Variants in NPTX2 observed in about 807,000 individuals in gnomAD.
NPTX2 encodes neuronal pentraxin-2.
NPTX2 carries 23 observed loss-of-function variants against 38.1 expected under a neutral mutation model. The observed-to-expected ratio is 0.60, with a 90% CI of 0.43 to 0.85. The LOEUF is 0.85. Ranked by LOEUF, NPTX2 falls within the 40% of genes least tolerant of loss-of-function variation. The pLI is 0.00. For synonymous variants in NPTX2, 291 were observed against 287.3 expected, an observed-to-expected ratio of 1.01 and a Z score of -0.13; for missense variants, 553 against 615.3, an observed-to-expected ratio of 0.90 and a Z score of 1.07.
At chr7:98,617,960 G>T in intron 1 of NPTX2, 73 bp downstream of exon 1, 5 of 1,464,764 alleles carry the variant, frequency 3.4e-6, no homozygotes, top group Non-Finnish European at 4.5e-6. Flanking sequence ...GACTCGGGAG[G>T]ATGGGGAAAG....
chr7:98,621,682 C>T (rs1791272626), intron 2 of NPTX2, among the ~76,000 whole-genome samples: 1 of 152,222 alleles, frequency 6.6e-6, no homozygotes, highest in Non-Finnish European at 1.5e-5. Context: ...GGTGGGGGAA[C>T]TCTGGCCTTT....
intron 2 of NPTX2, 62 bp downstream of exon 2, chr7:98,619,921 C>A: frequency 1.4e-6 from 2 of 1,434,310 alleles, no homozygotes; most frequent in Non-Finnish European, 1.9e-6. Context: ...TGTGGTCAGA[C>A]ATGCGATTCT....
Position 98,617,304 on chromosome 7 carries a change from T to G in NPTX2, c.-158T>G, listed in dbSNP as rs546770901. The G allele has an allele frequency of 6.3e-3, 1,747 of 278,020 alleles. 37 individuals are homozygous for G. The highest frequency in any genetic ancestry group is 0.036 in the African/African-American group (1,620 of 44,466). The allele number at this position is 278,020 out of a possible 1,614,324, so 17.2% of individuals were successfully genotyped here. ...CAGGCCAGAGTGCCGAGCAGCGCGG[T>G]GGGTGCGGCTGTGAGACGGCAGGAG... On this transcript the variant is annotated 5_prime_UTR_variant, in exon 1 of 5. Transcript: ENST00000265634.
chr7:98,618,543 A>ACCTCATTC (rs1791214940), intron 1 of NPTX2, among the ~76,000 whole-genome samples: 2 of 116,586 alleles, frequency 1.7e-5, no homozygotes, highest in Non-Finnish European at 3.4e-5. Context: ...AGGGGAAGGG[A>ACCTCATTC]CCTCATTCCC....
Position 98,619,656 on chromosome 7 carries a change from C to T in NPTX2, c.440C>T (p.Ala147Val). The T allele has an allele frequency of 6.2e-7, 1 of 1,613,112 alleles. No individual in the cohort carries two copies. Among genetic ancestry groups the T allele is most frequent in the Non-Finnish European group, 8.5e-7 (1 of 1,179,922 alleles). Reference sequence around the variant, plus strand: ...GGTGGCTGAAAGCACCAGCTCAGAGCAAACGTGTCCAATGCTGGGCTGCCC... The same window carrying T: ...GGTGGCTGAAAGCACCAGCTCAGAGTAAACGTGTCCAATGCTGGGCTGCCC... ...RLESLEHQLR[A>V]NVSNAGLPGD... The change falls in exon 2 of 5, where the codon GCA (alanine) becomes GTA (valine). Residue 147 changes from alanine (A) to valine (V), a missense_variant. Ala to Val is a moderately conservative substitution (Grantham distance 64, BLOSUM62 0). Transcript: ENST00000265634.
intron 1 of NPTX2, among the ~76,000 whole-genome samples, chr7:98,618,242 T>TTGCAAATC (rs1791207979): frequency 6.6e-6 from 1 of 152,036 alleles, no homozygotes. Flanking sequence ...CTCTATCCTC[T>TTGCAAATC]TGCAAATCTC....
intron 2 of NPTX2, among the ~76,000 whole-genome samples, chr7:98,623,428 A>G (rs1584142104): frequency 1.3e-5 from 2 of 152,302 alleles, no homozygotes; most frequent in East Asian, 1.9e-4. Context: ...AGAAGTGCCA[A>G]TGACATAGGG....
rs1048681411 is a variant in NPTX2 at position 98,617,527 on chromosome 7, G to T, written c.66G>T (p.Ala22=). The T allele has an allele frequency of 9.2e-6, 13 of 1,409,094 alleles. No homozygotes were observed. The highest frequency in any genetic ancestry group is 1.5e-5 in the African/African-American group (1 of 66,450). 87.3% of individuals were successfully genotyped at this position (1,409,094 alleles called of 1,614,324 possible). ...CCGCTGGGGCCCAGGACAGCCCGGC[G>T]CCCGGTAGCCGCTTCGTGTGCACGG... ...AVAAGAQDSP[A]PGSRFVCTAL... Residue 22 remains alanine, a synonymous_variant, in exon 1 of 5, where the codon GCG becomes GCT. Coordinates refer to ENST00000265634, the MANE Select transcript of NPTX2 (RefSeq NM_002523.3).
intron 3 of NPTX2, 91 bp downstream of exon 3, chr7:98,625,257 G>T: frequency 6.8e-7 from 1 of 1,475,724 alleles, no homozygotes; most frequent in Non-Finnish European, 9.1e-7. Flanking sequence ...CGCCCTCCTC[G>T]GGCCACACAG....
Position 98,619,750 on chromosome 7 carries a change from AGAGCTGGAGGAC to A in NPTX2, c.538_549del (p.Leu180_Glu183del). On this transcript the variant is annotated inframe_deletion, in exon 2 of 5. Coordinates refer to ENST00000265634, the MANE Select transcript of NPTX2 (RefSeq NM_002523.3). The stretch of plus-strand genomic sequence containing the variant: ...AGAGGCAGCTTCTGCGCAAGGTGGC[AGAGCTGGAGGAC>A]GAGAAGTCCCTGCTGCACAATGAGA... 2.5e-6 allele frequency: 4 copies of A among 1,613,464 alleles called. No individual in the cohort carries two copies. Among genetic ancestry groups the A allele is most frequent in the Non-Finnish European group, 3.4e-6 (4 of 1,180,036 alleles).
In NPTX2 at chr7:98,624,994, A is replaced by G. The variant is rs1255051005; in HGVS notation, c.716A>G (p.Lys239Arg). The G allele has an allele frequency of 1.2e-6, 2 of 1,613,854 alleles. No homozygotes were observed. Among genetic ancestry groups the G allele is most frequent in the African/African-American group, 2.7e-5 (2 of 74,946 alleles). ...CTCCGCACAAACTACCTATACGGCA[A>G]GATCAAGAAGACGCTGCCTGAGCTG... Reference protein sequence around the residue: ...LPLRTNYLYGKIKKTLPELYA... With the variant: ...LPLRTNYLYGRIKKTLPELYA... The change falls in exon 3 of 5, where the codon AAG becomes AGG. Residue 239 changes from lysine (K) to arginine (R), a missense_variant. Lys to Arg is a conservative substitution (Grantham distance 26). Transcript: ENST00000265634.
intron 2 of NPTX2, among the ~76,000 whole-genome samples, chr7:98,620,944 T>G (rs1221452136): frequency 6.6e-6 from 1 of 152,148 alleles, no homozygotes; most frequent in Non-Finnish European, 1.5e-5. Context: ...GAGCCAGAGC[T>G]TCAGTCATGC....
intron 3 of NPTX2, 131 bp downstream of exon 3, chr7:98,625,297 G>A: frequency 7.9e-7 from 1 of 1,258,920 alleles, no homozygotes; most frequent in East Asian, 2.5e-5. Flanking sequence ...CTGCGGGGCT[G>A]TCCTCCTCGA....
chr7:98,625,247 C>T (rs1005912491), intron 3 of NPTX2, 81 bp downstream of exon 3: 27 of 1,503,044 alleles, frequency 1.8e-5, no homozygotes, highest in East Asian at 4.6e-5. Context: ...CAGCCGTCCT[C>T]GCCCTCCTCG....
Position 98,628,542 on chromosome 7 carries a change from C to G in NPTX2, c.1209C>G (p.Ile403Met). The change falls in exon 5 of 5, where the codon ATC becomes ATG. Residue 403 changes from isoleucine (I) to methionine (M), a missense_variant. Transcript: ENST00000265634. ...CCACAAACATGCCGGGCAACATCAT[C>G]CCGTGGGTGGACAATAACGTCGATG... ...NCSTNMPGNI[I>M]PWVDNNVDVF... 1 of 1,611,702 alleles carries G rather than the reference C, an allele frequency of 6.2e-7. No individual in the cohort carries two copies.
intron 2 of NPTX2, among the ~76,000 whole-genome samples, chr7:98,624,571 T>C (rs1417199787): frequency 6.6e-6 from 1 of 152,158 alleles, no homozygotes. Context: ...TCTGCAGGTC[T>C]TTCCAGGCCT....
intron 2 of NPTX2, among the ~76,000 whole-genome samples, chr7:98,623,991 G>T (rs546123923): frequency 1.3e-5 from 2 of 152,182 alleles, no homozygotes; most frequent in African/African-American, 4.8e-5. Context: ...ACCAGACAGA[G>T]CCTCTGTCAC....
At chr7:98,627,387 G>A in intron 4 of NPTX2, 43 bp downstream of exon 4, 2 of 1,564,100 alleles carry the variant, frequency 1.3e-6, no homozygotes, top group Non-Finnish European at 1.8e-6. Flanking sequence ...GTGGGTGCAG[G>A]ATGGGCACAG....
At chr7:98,623,390 C>T (rs1280881685) in intron 2 of NPTX2, among the ~76,000 whole-genome samples, 1 of 152,138 alleles carries the variant, frequency 6.6e-6, no homozygotes, top group East Asian at 1.9e-4. Context: ...ATTGTAAACC[C>T]ATTCTAGAGT....
Sources: gnomAD v4.1 joint callset for allele counts (sites outside exome capture counted in the v4.1 genomes callset) on GRCh38, gnomAD v4.1.1 for gene constraint, MANE v1.5 for transcripts, NCBI Gene and HGNC (gene_info 2026-07-23, HGNC 2026-07-21) for gene names.